Variants in SMCO4 observed in about 807,000 individuals in gnomAD.
The protein encoded by SMCO4 is single-pass membrane protein with coiled-coil domains 4, also known as single-pass membrane and coiled-coil domain-containing protein 4.
Under a neutral mutation model 3.6 loss-of-function variants are expected in SMCO4, and 4 were observed. The ratio of observed to expected loss-of-function variants is 1.11; its 90% CI spans 0.54 to 2.53. The LOEUF (loss-of-function observed/expected upper bound fraction) is 2.53, where lower values mean the gene tolerates loss of function less well. Among genes scored for constraint, SMCO4 ranks in the 30% most tolerant of loss-of-function variants. SMCO4 has a pLI of 0.02. For synonymous variants in SMCO4, 36 were observed against 35.3 expected (o/e 1.02, Z -0.07); for missense variants, 70 against 80.8 (o/e 0.87, Z 0.51).
chr11:93,482,645 G>A (rs889143059), intron 2 of SMCO4, among the ~76,000 whole-genome samples: 5 of 152,210 alleles, frequency 3.3e-5, no homozygotes, highest in Non-Finnish European at 7.3e-5. Context: ...AGTCAAGAAG[G>A]TCAACTGTGA....
At chr11:93,518,174 T>A (rs1232530538) in intron 1 of SMCO4, among the ~76,000 whole-genome samples, 1 of 152,248 alleles carries the variant, frequency 6.6e-6, no homozygotes, top group Non-Finnish European at 1.5e-5. Flanking sequence ...CTATTCTGGA[T>A]AATTTGTATA....
At position 93,479,923 on chromosome 11, in the gene SMCO4, C is replaced by T. The variant is rs113887231; in HGVS notation, c.-80-654G>A. On this transcript the variant is annotated intron_variant, in intron 2 of 2. Coordinates refer to ENST00000298966, the MANE Select transcript of SMCO4 (RefSeq NM_020179.3). ...ACCGTCTAGGGGGCATGATGGAGACCCGGGTCACAGTAATAATGAAGGGAG... is the reference window on the plus strand; with the variant it reads ...ACCGTCTAGGGGGCATGATGGAGACTCGGGTCACAGTAATAATGAAGGGAG... Among the ~76,000 whole-genome samples the T allele has an allele frequency of 9.7e-3, 1,472 of 152,170 alleles. 22 individuals are homozygous for T. Among genetic ancestry groups the T allele is most frequent in the African/African-American group, 0.033 (1,356 of 41,520 alleles).
At chr11:93,487,509 G>C (rs1199552498) in intron 2 of SMCO4, among the ~76,000 whole-genome samples, 1 of 152,000 alleles carries the variant, frequency 6.6e-6, no homozygotes, top group Non-Finnish European at 1.5e-5. Flanking sequence ...TCATACCAAG[G>C]GCAGAAAAAA....
Position 93,478,740 on chromosome 11 carries a change from C to CACAT in SMCO4, c.*269_*270insATGT. 2 of 724,560 alleles carry CACAT rather than the reference C, an allele frequency of 2.8e-6. No individual in the cohort carries two copies. Among genetic ancestry groups the CACAT allele is most frequent in the Non-Finnish European group, 3.8e-6 (2 of 524,914 alleles). The allele number at this position is 724,560 out of a possible 1,614,324, so 44.9% of individuals were successfully genotyped here. ...ACACACACACACACACACACACACA[C>CACAT]ACACACACACACATGCGCGCGCGCT... On this transcript the variant is annotated 3_prime_UTR_variant, in exon 3 of 3. Coordinates refer to ENST00000298966, the MANE Select transcript of SMCO4 (RefSeq NM_020179.3).
At chr11:93,550,647 C>T in the SMCO4 span, among the ~76,000 whole-genome samples, 1 of 152,146 alleles carries the variant, frequency 6.6e-6, no homozygotes, top group Non-Finnish European at 1.5e-5. Flanking sequence ...TGCACTCCAG[C>T]CTGGGTGACA....
At chr11:93,551,707 G>T in the SMCO4 span, among the ~76,000 whole-genome samples, 1 of 152,284 alleles carries the variant, frequency 6.6e-6, no homozygotes, top group Non-Finnish European at 1.5e-5. Context: ...TGCTCATAGT[G>T]TCTACAAGAG....
At chr11:93,525,280 T>C (rs528554883) in intron 1 of SMCO4, among the ~76,000 whole-genome samples, 2 of 152,326 alleles carry the variant, frequency 1.3e-5, no homozygotes, top group East Asian at 3.9e-4. Flanking sequence ...CCACTGATTC[T>C]CAGGTCTTTT....
At chr11:93,509,098 T>C (rs1948934921) in intron 1 of SMCO4, among the ~76,000 whole-genome samples, 1 of 151,492 alleles carries the variant, frequency 6.6e-6, no homozygotes, top group South Asian at 2.1e-4. Context: ...GAGACCAGCC[T>C]GGGCAACATG....
rs764427565 is a variant in SMCO4, at chr11:93,507,537, TA to T, written c.-153-8190del. On this transcript the variant is annotated intron_variant, in intron 1 of 2. Transcript: ENST00000298966. ...TTGATATTTTTCTAAACGGTGGTAT[TA>T]AATGTGATATTTTGATATTTTCCAA... 1.1e-4 allele frequency among the ~76,000 whole-genome samples: 16 copies of T among 152,362 alleles called. No individual in the cohort carries two copies. In the East Asian group the frequency reaches 1.5e-3, roughly 15 times the overall value.
chr11:93,543,922 G>GT (rs1480431140), upstream of SMCO4, among the ~76,000 whole-genome samples: 1 of 152,216 alleles, frequency 6.6e-6, no homozygotes, highest in African/African-American at 2.4e-5. Flanking sequence ...ACCTGGATTT[G>GT]TTTTTTGTAA....
At chr11:93,520,136 G>A (rs1261462686) in intron 1 of SMCO4, among the ~76,000 whole-genome samples, 1 of 152,238 alleles carries the variant, frequency 6.6e-6, no homozygotes, top group Non-Finnish European at 1.5e-5. Flanking sequence ...AGGTGGGGCA[G>A]AACGTTTGTA....
At chr11:93,513,494 G>C (rs145803269) in intron 1 of SMCO4, among the ~76,000 whole-genome samples, 4 of 152,342 alleles carry the variant, frequency 2.6e-5, no homozygotes, top group Middle Eastern at 3.4e-3. Context: ...GGTTAGACTT[G>C]GGTGATAGCA....
chr11:93,534,253 CACACACACAA>C (rs1401141784), intron 1 of SMCO4, among the ~76,000 whole-genome samples: 4 of 114,704 alleles, frequency 3.5e-5, no homozygotes, highest in African/African-American at 1.1e-4. Flanking sequence ...CACACACACA[CACACACACAA>C]ACACATATAT....
chr11:93,528,421 T>C, intron 1 of SMCO4, among the ~76,000 whole-genome samples: 1 of 152,190 alleles, frequency 6.6e-6, no homozygotes, highest in Non-Finnish European at 1.5e-5. Context: ...AATGGAGATT[T>C]AGCCAAATCC....
chr11:93,488,700 T>C (rs1304453761), intron 2 of SMCO4, among the ~76,000 whole-genome samples: 5 of 151,792 alleles, frequency 3.3e-5, no homozygotes, highest in Non-Finnish European at 7.4e-5. Context: ...AGTAGAGGCA[T>C]GAAAAGGCAG....
At chr11:93,502,179 C>T (rs987357061) in intron 1 of SMCO4, among the ~76,000 whole-genome samples, 6 of 152,164 alleles carry the variant, frequency 3.9e-5, no homozygotes. Flanking sequence ...TTACATTAAT[C>T]TGTTTTCTGT....
Position 93,478,964 on chromosome 11 carries a change from C to A in SMCO4, c.*46G>T. 6.4e-7 allele frequency: 1 copy of A among 1,566,120 alleles called. No homozygotes were observed. ...CCATTTTTTGTTTGCGTCCCCCTCC[C>A]GCGCCTCCTCTCCCTGCCGATGGGG... On this transcript the variant is annotated 3_prime_UTR_variant, in exon 3 of 3. Coordinates refer to ENST00000298966, the MANE Select transcript of SMCO4 (RefSeq NM_020179.3).
At position 93,508,900 on chromosome 11, in the gene SMCO4, C is replaced by T. The variant is rs541430978; in HGVS notation, c.-153-9552G>A. Among the ~76,000 whole-genome samples, 5 of 152,256 alleles carry T rather than the reference C, an allele frequency of 3.3e-5. No individual in the cohort carries two copies. In the East Asian group the frequency reaches 7.7e-4, roughly 24 times the overall value. ...AAAGTAGACCTCTGCAGAGCCTGGACGAGCAGACCCACTGAGCAATGACCT... is the reference window on the plus strand; with the variant it reads ...AAAGTAGACCTCTGCAGAGCCTGGATGAGCAGACCCACTGAGCAATGACCT... On this transcript the variant is annotated intron_variant, in intron 1 of 2. Transcript: ENST00000298966.
intron 2 of SMCO4, among the ~76,000 whole-genome samples, chr11:93,491,857 G>C (rs1482073079): frequency 1.3e-5 from 2 of 152,096 alleles, no homozygotes; most frequent in East Asian, 3.9e-4. Flanking sequence ...GGCCAGGTGT[G>C]GGCTAACAGC....
Sources: allele counts gnomAD v4.1 joint callset (sites outside exome capture counted in the v4.1 genomes callset), GRCh38; gene constraint gnomAD v4.1.1; transcripts MANE v1.5; gene names NCBI Gene and HGNC (gene_info 2026-07-23, HGNC 2026-07-21).